The following RAB6A variants were observed in gnomAD, a reference collection of about 807,000 sequenced individuals.
RAB6A encodes the protein ras-related protein Rab-6A.
RAB6A carries 8 observed loss-of-function variants against 32.3 expected under a neutral mutation model. The ratio of observed to expected loss-of-function variants is 0.25; its 90% CI spans 0.15 to 0.45. The LOEUF (loss-of-function observed/expected upper bound fraction) is 0.45. Ranked by LOEUF, RAB6A falls within the 20% of genes least tolerant of loss-of-function variation. The pLI is 1.00. For missense variants in RAB6A, 104 were observed against 249.4 expected (o/e 0.42, Z 3.93); for synonymous variants, 73 against 82.1 (o/e 0.89, Z 0.60).
intron 6 of RAB6A, among the ~76,000 whole-genome samples, chr11:73,696,196 C>CTTTATT (rs1049476561): frequency 6.6e-6 from 1 of 151,944 alleles, no homozygotes; most frequent in African/African-American, 2.4e-5. Context: ...GGACTTTTGA[C>CTTTATT]TTTATTTTTA....
At chr11:73,692,337 C>A (rs1343885015) in intron 6 of RAB6A, among the ~76,000 whole-genome samples, 1 of 150,424 alleles carries the variant, frequency 6.6e-6, no homozygotes, top group Non-Finnish European at 1.5e-5. Flanking sequence ...CCCGTCTCTA[C>A]TAAAAAATAC....
At chr11:73,706,492 C>T (rs1260238969) in intron 6 of RAB6A, among the ~76,000 whole-genome samples, 6 of 148,080 alleles carry the variant, frequency 4.1e-5, no homozygotes, top group East Asian at 2.0e-4. Context: ...CCAGCCTGGG[C>T]GACAGAGCAA....
rs138322867 is a variant in RAB6A, at chr11:73,716,319, G to A, written c.333C>T (p.Val111=). The A allele has an allele frequency of 9.2e-4, 1,479 of 1,613,136 alleles. 8 individuals are homozygous for A. The highest frequency in any genetic ancestry group is 8.1e-3 in the African/African-American group (606 of 74,870). ...FQQTTKWIDD[V]RTERGSDVII... is the part of the protein sequence containing the mutation. Reference sequence around the variant, plus strand: ...TAACATCACTTCCTCTTTCTGTTCTGACATCATCAATCCACTTTGTAGTTT... The same window carrying A: ...TAACATCACTTCCTCTTTCTGTTCTAACATCATCAATCCACTTTGTAGTTT... Residue 111 remains valine, a synonymous_variant, in exon 5 of 8, where the codon GTC becomes GTT. Coordinates refer to ENST00000336083, the MANE Select transcript of RAB6A (RefSeq NM_198896.2).
intron 1 of RAB6A, among the ~76,000 whole-genome samples, chr11:73,754,133 G>C (rs1946709421): frequency 6.6e-6 from 1 of 152,182 alleles, no homozygotes; most frequent in Admixed American, 6.5e-5. Context: ...AAGGTCAGTA[G>C]CCACTGCTAA....
intron 1 of RAB6A, among the ~76,000 whole-genome samples, chr11:73,748,855 T>C (rs1946632496): frequency 1.3e-5 from 2 of 152,182 alleles, no homozygotes; most frequent in Non-Finnish European, 2.9e-5. Context: ...CTGGGCGCGG[T>C]GGCTTACACC....
intron 6 of RAB6A, among the ~76,000 whole-genome samples, chr11:73,698,997 G>A (rs925284686): frequency 2.0e-5 from 3 of 151,594 alleles, no homozygotes; most frequent in Admixed American, 1.3e-4. Context: ...GATTACAGGC[G>A]CCCGCCACCA....
intron 5 of RAB6A, among the ~76,000 whole-genome samples, chr11:73,713,298 T>C (rs770986449): frequency 8.5e-5 from 13 of 152,232 alleles, no homozygotes; most frequent in Non-Finnish European, 1.8e-4. Flanking sequence ...GGGCTGGGTG[T>C]GGTGGCTCAC....
intron 3 of RAB6A, among the ~76,000 whole-genome samples, chr11:73,719,641 C>A (rs1440299422): frequency 1.1e-4 from 16 of 148,994 alleles, no homozygotes; most frequent in African/African-American, 3.7e-4. Context: ...TTTAGACAGA[C>A]TCTCATTCTT....
chr11:73,719,268 A>T (rs1350001261), intron 3 of RAB6A, among the ~76,000 whole-genome samples: 4 of 152,264 alleles, frequency 2.6e-5, no homozygotes, highest in African/African-American at 9.6e-5. Flanking sequence ...ACCTAAGGTA[A>T]ATGTCAATGA....
At chr11:73,684,802 G>C (rs1565344965) in intron 6 of RAB6A, among the ~76,000 whole-genome samples, 2 of 152,132 alleles carry the variant, frequency 1.3e-5, no homozygotes, top group Non-Finnish European at 2.9e-5. Context: ...AAAGTACAAG[G>C]TATACTTAAG....
At chr11:73,711,419 ATAGTAAT>A (rs1945955948) in intron 5 of RAB6A, among the ~76,000 whole-genome samples, 1 of 152,208 alleles carries the variant, frequency 6.6e-6, no homozygotes, top group Non-Finnish European at 1.5e-5. Flanking sequence ...GATTCACTCC[ATAGTAAT>A]ATATACATTC....
intron 1 of RAB6A, among the ~76,000 whole-genome samples, chr11:73,732,874 G>A (rs912902504): frequency 1.3e-5 from 2 of 151,542 alleles, no homozygotes; most frequent in South Asian, 2.1e-4. Context: ...GTGCAGTGAC[G>A]CGATCTCGGC....
chr11:73,682,174 C>A (rs757155403), intron 6 of RAB6A, among the ~76,000 whole-genome samples: 5 of 152,082 alleles, frequency 3.3e-5, no homozygotes, highest in African/African-American at 1.2e-4. Flanking sequence ...GATAAATATT[C>A]TAGCTGAGTG....
At chr11:73,735,818 C>A (rs777268463) in intron 1 of RAB6A, among the ~76,000 whole-genome samples, 1 of 149,518 alleles carries the variant, frequency 6.7e-6, no homozygotes, top group Non-Finnish European at 1.5e-5. Context: ...GGCCCTCTTA[C>A]AGGATTTTGC....
intron 3 of RAB6A, among the ~76,000 whole-genome samples, chr11:73,719,615 A>C (rs1946105379): frequency 6.6e-6 from 1 of 151,872 alleles, no homozygotes; most frequent in Admixed American, 6.6e-5. Flanking sequence ...CAAGCTTTCA[A>C]ATTTTTTTTT....
chr11:73,721,296 T>C (rs533441267), intron 2 of RAB6A, among the ~76,000 whole-genome samples: 1 of 152,340 alleles, frequency 6.6e-6, no homozygotes, highest in African/African-American at 2.4e-5. Flanking sequence ...CAAGAGCAGT[T>C]TTATAAAATA....
intron 2 of RAB6A, among the ~76,000 whole-genome samples, chr11:73,724,350 T>C (rs932068957): frequency 1.3e-5 from 2 of 152,206 alleles, no homozygotes; most frequent in African/African-American, 2.4e-5. Context: ...AATTTTATAG[T>C]ATATAAGTCA....
At chr11:73,748,347 T>C (rs1946622974) in intron 1 of RAB6A, among the ~76,000 whole-genome samples, 1 of 152,164 alleles carries the variant, frequency 6.6e-6, no homozygotes, top group African/African-American at 2.4e-5. Context: ...CAAGAATATT[T>C]CAATAAGGAG....
chr11:73,686,972 C>T (rs572078938), intron 6 of RAB6A, among the ~76,000 whole-genome samples: 9 of 151,922 alleles, frequency 5.9e-5, no homozygotes, highest in African/African-American at 1.9e-4. Context: ...TAGAAACAAC[C>T]CACGTGCTAT....
Sources: gnomAD v4.1 joint callset for allele counts (sites outside exome capture counted in the v4.1 genomes callset) on GRCh38, gnomAD v4.1.1 for gene constraint, MANE v1.5 for transcripts, NCBI Gene and HGNC (gene_info 2026-07-23, HGNC 2026-07-21) for gene names.